Variants in DSTYK observed in about 807,000 individuals in gnomAD.
DSTYK encodes RIP-homologous kinase.
In DSTYK, 34 loss-of-function variants were observed where a neutral mutation model predicts 98.7. The observed-to-expected ratio is 0.34, with a 90% CI of 0.26 to 0.46. DSTYK has a LOEUF of 0.46. Ranked by LOEUF, DSTYK falls within the 20% of genes least tolerant of loss-of-function variation. The pLI is 1.00. For missense variants in DSTYK, 962 were observed against 1,181.7 expected (o/e 0.81, Z 2.73); for synonymous variants, 462 against 457.3 (o/e 1.01, Z -0.13).
intron 9 of DSTYK, among the ~76,000 whole-genome samples, chr1:205,157,976 G>GC (rs1232346246): frequency 2.0e-5 from 3 of 152,120 alleles, no homozygotes; most frequent in African/African-American, 7.2e-5. Flanking sequence ...TTCTGGAACT[G>GC]CCCTTGAGGC....
At position 205,147,562 on chromosome 1, in the gene DSTYK, G is replaced by T; in HGVS notation, c.2786C>A (p.Thr929Asn). The T allele has an allele frequency of 1.9e-6, 3 of 1,603,282 alleles. No individual in the cohort carries two copies. Among genetic ancestry groups the T allele is most frequent in the Non-Finnish European group, 2.6e-6 (3 of 1,170,998 alleles). ...GAAAGAGAAAGGTCTTTGCTTTCAA[G>T]TAGAATCATCTAGTCCTCTGTTTGG... ...EQPNRGLDDS[T>N] Residue 929 changes from threonine to asparagine, a missense_variant, in exon 13 of 13, where the codon ACT becomes AAT. Physicochemically the swap from Thr to Asn is moderately conservative, Grantham distance 65. Coordinates refer to ENST00000367162, the MANE Select transcript of DSTYK (RefSeq NM_015375.3).
At position 205,187,944 on chromosome 1, in the gene DSTYK, G is replaced by A. The variant is rs372604412; in HGVS notation, c.266-138C>T. Reference sequence around the variant, plus strand: ...GGAGAAATTTCTAGGAACCTTGGTTGAAGGACATATCAGGGAAAAAACCCC... The same window carrying A: ...GGAGAAATTTCTAGGAACCTTGGTTAAAGGACATATCAGGGAAAAAACCCC... On this transcript the variant is annotated intron_variant, in intron 1 of 12. Coordinates refer to ENST00000367162, the MANE Select transcript of DSTYK (RefSeq NM_015375.3). 3.6e-6 allele frequency: 3 copies of A among 832,584 alleles called. No homozygotes were observed. In the African/African-American group the frequency reaches 5.2e-5, roughly 14 times the overall value. 51.6% of individuals were successfully genotyped at this position (832,584 alleles called of 1,614,324 possible). A position where few individuals can be genotyped will look rare whatever the true frequency, so the allele number is the denominator to read the frequency against.
chr1:205,196,180 C>A (rs1178852058), intron 1 of DSTYK, among the ~76,000 whole-genome samples: 1 of 152,168 alleles, frequency 6.6e-6, no homozygotes, highest in African/African-American at 2.4e-5. Flanking sequence ...CAAGTCTACA[C>A]TGATTAAATA....
intron 6 of DSTYK, 50 bp from the exon 7 acceptor site, chr1:205,161,437 C>G (rs764347960): frequency 6.3e-7 from 1 of 1,592,046 alleles, no homozygotes; most frequent in Non-Finnish European, 8.6e-7. Flanking sequence ...CTAGCTTCAG[C>G]TTCCTCACCT....
intron 1 of DSTYK, among the ~76,000 whole-genome samples, chr1:205,206,664 C>A (rs1056786474): frequency 6.6e-6 from 1 of 150,730 alleles, no homozygotes; most frequent in East Asian, 2.0e-4. Context: ...CTCACTGCAA[C>A]CTCCGCCTCC....
intron 3 of DSTYK, among the ~76,000 whole-genome samples, chr1:205,166,119 A>G (rs1357414523): frequency 6.6e-6 from 1 of 152,232 alleles, no homozygotes; most frequent in Non-Finnish European, 1.5e-5. Flanking sequence ...TATCCATTAG[A>G]AGAAGACAAA....
chr1:205,160,044 A>G, intron 8 of DSTYK, 70 bp downstream of exon 8: 1 of 1,581,570 alleles, frequency 6.3e-7, no homozygotes, highest in Non-Finnish European at 8.7e-7. Context: ...CTCTTGGTAC[A>G]AAATCTAAAC....
At position 205,211,411 on chromosome 1, in the gene DSTYK, C is replaced by T. The variant is rs751879517; in HGVS notation, c.125G>A (p.Arg42Gln). The T allele has an allele frequency of 6.2e-7, 1 of 1,610,554 alleles. No individual in the cohort carries two copies. Among genetic ancestry groups the T allele is most frequent in the Non-Finnish European group, 8.5e-7 (1 of 1,179,180 alleles). ...CTTCTGGGTCTCGCGCAGGTTCTGTCGCAGCCGTCCCAGGTAGCGGCGGTA... is the reference window on the plus strand; with the variant it reads ...CTTCTGGGTCTCGCGCAGGTTCTGTTGCAGCCGTCCCAGGTAGCGGCGGTA... ...GRYRRYLGRL[R>Q]QNLRETQKFF... Residue 42 changes from arginine to glutamine, a missense_variant, in exon 1 of 13, where the codon CGA becomes CAA. By Grantham distance (43) the Arg-to-Gln change is conservative. Around this residue, in one of 4 missense-constraint regions of DSTYK, gnomAD observed 168 missense variants for 120.0 expected, o/e 1.40. Transcript: ENST00000367162.
intron 2 of DSTYK, among the ~76,000 whole-genome samples, chr1:205,170,311 A>G (rs764231865): frequency 2.2e-4 from 33 of 152,170 alleles, no homozygotes; most frequent in Non-Finnish European, 4.3e-4. Context: ...GTTTCAATGT[A>G]TATGTTATGA....
chr1:205,172,223 C>G (rs1301075010), intron 2 of DSTYK, among the ~76,000 whole-genome samples: 1 of 152,110 alleles, frequency 6.6e-6, no homozygotes, highest in Non-Finnish European at 1.5e-5. Flanking sequence ...TCCCAAAGTG[C>G]TGGGATTACA....
Position 205,150,067 on chromosome 1 carries a change from G to A in DSTYK, c.2467+613C>T, listed in dbSNP as rs749495716. Among the ~76,000 whole-genome samples the A allele has an allele frequency of 1.3e-5, 2 of 152,046 alleles. No individual in the cohort carries two copies. Among genetic ancestry groups the A allele is most frequent in the Non-Finnish European group, 2.9e-5 (2 of 68,014 alleles). Reference sequence around the variant, plus strand: ...TGAATGGACATAAAAATACATCATCGTCACAGAATTAAACAAAATATGTGA... The same window carrying A: ...TGAATGGACATAAAAATACATCATCATCACAGAATTAAACAAAATATGTGA... On this transcript the variant is annotated intron_variant, in intron 11 of 12. Coordinates refer to ENST00000367162, the MANE Select transcript of DSTYK (RefSeq NM_015375.3). This position sits in a 1 kb window ranked among gnomAD's most constrained non-coding sequence, Gnocchi z 4.1.
intron 1 of DSTYK, among the ~76,000 whole-genome samples, chr1:205,191,001 A>C (rs1658697696): frequency 6.6e-6 from 1 of 152,208 alleles, no homozygotes; most frequent in African/African-American, 2.4e-5. Context: ...CAGCCAATGA[A>C]ACAGGCTGCA....
intron 2 of DSTYK, among the ~76,000 whole-genome samples, chr1:205,170,492 G>A (rs919340465): frequency 6.6e-6 from 1 of 152,164 alleles, no homozygotes; most frequent in Non-Finnish European, 1.5e-5. Context: ...TACTATCGTA[G>A]CTCCAGTGCC....
At chr1:205,184,329 T>C (rs1253761415) in intron 2 of DSTYK, among the ~76,000 whole-genome samples, 1 of 151,766 alleles carries the variant, frequency 6.6e-6, no homozygotes, top group Non-Finnish European at 1.5e-5. Context: ...TCCCAGCACT[T>C]TGGGAGGGTG....
intron 2 of DSTYK, among the ~76,000 whole-genome samples, chr1:205,178,073 A>G (rs1336521680): frequency 6.6e-6 from 1 of 152,144 alleles, no homozygotes; most frequent in African/African-American, 2.4e-5. Flanking sequence ...TAGTAAAAGC[A>G]TCAGTGTGTA....
rs769000859 is a variant in DSTYK at position 205,148,278 on chromosome 1, T to C, written c.2529A>G (p.Ser843=). ...ATGCCTCAGGGAGCTTGACAGAGCC[T>C]GAGCAGATATACCAGAAAAGAATTC... The part of the protein sequence containing the change: ...AFGILFWYIC[S]GSVKLPEAFE... The change falls in exon 12 of 13, where the codon TCA becomes TCG. Residue 843 remains serine, a synonymous_variant. Transcript: ENST00000367162. 2 of 1,614,132 alleles carry C rather than the reference T, an allele frequency of 1.2e-6. No homozygotes were observed. The highest frequency in any genetic ancestry group is 3.3e-5 in the Admixed American group (2 of 60,014).
At chr1:205,183,468 C>T (rs3851287) in intron 2 of DSTYK, among the ~76,000 whole-genome samples, 29,889 of 152,100 alleles carry the variant, frequency 0.2, 3,261 homozygotes, top group East Asian at 0.4. Flanking sequence ...CTGAAAATGG[C>T]TAATTTATGA....
intron 10 of DSTYK, among the ~76,000 whole-genome samples, chr1:205,154,432 TCTC>T (rs1165338117): frequency 5.9e-5 from 9 of 152,154 alleles, no homozygotes; most frequent in African/African-American, 2.2e-4. Context: ...GATCGGCACT[TCTC>T]CTTGCTGCCA....
intron 1 of DSTYK, among the ~76,000 whole-genome samples, chr1:205,201,817 T>C (rs947579310): frequency 2.6e-5 from 4 of 152,080 alleles, no homozygotes; most frequent in Non-Finnish European, 5.9e-5. Context: ...GCCAGCACTT[T>C]GGGAAGCCAA....
Sources: allele counts gnomAD v4.1 joint callset (sites outside exome capture counted in the v4.1 genomes callset), GRCh38; gene constraint gnomAD v4.1.1; regional missense constraint gnomAD v4.1.1; non-coding constraint Gnocchi (gnomAD v3.1); transcripts MANE v1.5; gene names NCBI Gene and HGNC (gene_info 2026-07-23, HGNC 2026-07-21).